NEDD4L: variants seen among roughly 807,000 people sequenced by gnomAD.
NEDD4L encodes E3 ubiquitin-protein ligase NEDD4-like.
In NEDD4L, 54 loss-of-function variants were observed where a neutral mutation model predicts 148.9. The observed-to-expected ratio is 0.36, with a 90% CI of 0.29 to 0.45. NEDD4L has a LOEUF of 0.45. Among genes scored for constraint, NEDD4L ranks in the 20% least tolerant of loss-of-function variants. The pLI, the probability that NEDD4L is intolerant of heterozygous loss-of-function variation, is 1.00. For missense variants in NEDD4L, 856 were observed against 1,233.8 expected, an observed-to-expected ratio of 0.69 and a Z score of 4.59; for synonymous variants, 433 against 440.7, an observed-to-expected ratio of 0.98 and a Z score of 0.22.
At chr18:58,165,930 C>G (rs991916567) in intron 2 of NEDD4L, 69 bp downstream of exon 2, 1 of 1,295,058 alleles carries the variant, frequency 7.7e-7, no homozygotes, top group African/African-American at 1.5e-5. Context: ...AATTCAGGCA[C>G]GCATCAGAAT....
intron 2 of NEDD4L, 104 bp from the exon 3 acceptor site, chr18:58,245,323 C>T (rs1405817547): frequency 1.0e-5 from 6 of 587,562 alleles, no homozygotes; most frequent in Non-Finnish European, 1.5e-5. Flanking sequence ...GGAAATAATA[C>T]AAGCTGAGAC....
intron 1 of NEDD4L, among the ~76,000 whole-genome samples, chr18:58,086,645 G>A (rs1374869429): frequency 2.0e-5 from 3 of 152,156 alleles, no homozygotes; most frequent in South Asian, 4.1e-4. Context: ...AAGGCTGTAA[G>A]TTGCCTTACT....
intron 1 of NEDD4L, among the ~76,000 whole-genome samples, chr18:58,141,109 A>C (rs1203604601): frequency 6.6e-6 from 1 of 152,138 alleles, no homozygotes; most frequent in East Asian, 1.9e-4. Flanking sequence ...ATGTGGCTCC[A>C]CTGGGCTGGC....
At chr18:58,232,916 G>A (rs1329344587) in intron 2 of NEDD4L, among the ~76,000 whole-genome samples, 6 of 152,182 alleles carry the variant, frequency 3.9e-5, no homozygotes, top group East Asian at 1.9e-4. Flanking sequence ...CAGGCTGAAC[G>A]TGGTTGGCAG....
chr18:58,235,747 A>G lies in NEDD4L; in HGVS notation c.123-9680A>G, dbSNP rs973001949. Among the ~76,000 whole-genome samples, 6 of 152,170 alleles carry G rather than the reference A, an allele frequency of 3.9e-5. No homozygotes were observed. In the South Asian group the frequency reaches 1.3e-3, roughly 32 times the overall value. On this transcript the variant is annotated intron_variant, in intron 2 of 30. Coordinates refer to ENST00000400345, the MANE Select transcript of NEDD4L (RefSeq NM_001144967.3). ...ATAATTAGTTCAGAAGTCTGTCCCC[A>G]TACTTGTTTTCCAGTACAATCTGTG...
chr18:58,066,118 A>G (rs955359601), intron 1 of NEDD4L, among the ~76,000 whole-genome samples: 3 of 152,240 alleles, frequency 2.0e-5, no homozygotes, highest in Non-Finnish European at 4.4e-5. Flanking sequence ...TTTGTACAGT[A>G]GAAATGTATG....
Position 58,389,193 on chromosome 18 carries a change from G to A in NEDD4L, c.2655+1G>A. The A allele has an allele frequency of 6.2e-7, 1 of 1,609,898 alleles. No homozygotes were observed. The highest frequency in any genetic ancestry group is 8.5e-7 in the Non-Finnish European group (1 of 1,176,548). Reference sequence around the variant, plus strand: ...CCCCGTCATTCAGTGGTTCTGGAAGGTAACTCCGGGGCCCAGCCCCAGCCG... The same window carrying A: ...CCCCGTCATTCAGTGGTTCTGGAAGATAACTCCGGGGCCCAGCCCCAGCCG... On this transcript the variant is annotated splice_donor_variant, in intron 28 of 30. Transcript: ENST00000400345. LOFTEE classifies it high-confidence loss of function.
At chr18:58,196,827 G>A (rs1370425467) in intron 2 of NEDD4L, among the ~76,000 whole-genome samples, 3 of 150,468 alleles carry the variant, frequency 2.0e-5, no homozygotes, top group Non-Finnish European at 4.4e-5. Flanking sequence ...CCAGGGCAGT[G>A]CCTGCTCTTT....
In NEDD4L at chr18:58,044,635, C is replaced by G. The variant is rs113358301; in HGVS notation, c.-26C>G. On this transcript the variant is annotated 5_prime_UTR_variant, in exon 1 of 31. Coordinates refer to ENST00000400345, the MANE Select transcript of NEDD4L (RefSeq NM_001144967.3). ...CGCAGCACAGCCGCTGGGAGCGCCT[C>G]AGACCCCGCGCGGGGCGCCGGCTCC... 10 of 1,593,382 alleles carry G rather than the reference C, an allele frequency of 6.3e-6. No individual in the cohort carries two copies. The highest frequency in any genetic ancestry group is 8.5e-6 in the Non-Finnish European group (10 of 1,170,618).
intron 1 of NEDD4L, among the ~76,000 whole-genome samples, chr18:58,077,955 C>T (rs2083255337): frequency 6.6e-6 from 1 of 151,476 alleles, no homozygotes; most frequent in Non-Finnish European, 1.5e-5. Flanking sequence ...CACCGGACAG[C>T]CCCACAGGAT....
chr18:58,164,896 A>G (rs911360219), intron 1 of NEDD4L, among the ~76,000 whole-genome samples: 35 of 152,194 alleles, frequency 2.3e-4, no homozygotes, highest in African/African-American at 8.4e-4. Context: ...TTAGTGATAC[A>G]TGTTTTCCAT....
chr18:58,053,453 T>C (rs931116445), intron 1 of NEDD4L, among the ~76,000 whole-genome samples: 1 of 152,008 alleles, frequency 6.6e-6, no homozygotes, highest in Admixed American at 6.6e-5. Context: ...GGACTACAGG[T>C]GCCCACCACC....
At chr18:58,206,955 A>G (rs543035729) in intron 2 of NEDD4L, among the ~76,000 whole-genome samples, 14 of 152,178 alleles carry the variant, frequency 9.2e-5, no homozygotes, top group Non-Finnish European at 1.6e-4. Flanking sequence ...TCTCCCACCC[A>G]TCCTGTGCAC....
chr18:58,051,995 T>C (rs2081893228), intron 1 of NEDD4L, among the ~76,000 whole-genome samples: 1 of 152,244 alleles, frequency 6.6e-6, no homozygotes, highest in South Asian at 2.1e-4. Flanking sequence ...GTTCACTGTT[T>C]AATGTTACTG....
rs79466451 is a variant in NEDD4L, at chr18:58,367,495, C to T, written c.2064-251C>T. 0.038 allele frequency among the ~76,000 whole-genome samples: 5,844 copies of T among 152,244 alleles called. 376 individuals are homozygous for T. The highest frequency in any genetic ancestry group is 0.13 in the African/African-American group (5,580 of 41,524). On this transcript the variant is annotated intron_variant, in intron 21 of 30. Coordinates refer to ENST00000400345, the MANE Select transcript of NEDD4L (RefSeq NM_001144967.3). ...GCTGAACCATATGAAATAGACACTT[C>T]GTAGGTCAAAAACAGTCAAACATCA...
At chr18:58,186,936 T>A (rs770438574) in intron 2 of NEDD4L, among the ~76,000 whole-genome samples, 4 of 152,258 alleles carry the variant, frequency 2.6e-5, no homozygotes, top group Non-Finnish European at 4.4e-5. Flanking sequence ...GGGTTCTCAC[T>A]TGATCATTTA....
chr18:58,344,191 C>A (rs891678435), intron 16 of NEDD4L, among the ~76,000 whole-genome samples: 1 of 152,168 alleles, frequency 6.6e-6, no homozygotes, highest in African/African-American at 2.4e-5. Context: ...GACCAGCAGC[C>A]TTATATTCAA....
intron 1 of NEDD4L, among the ~76,000 whole-genome samples, chr18:58,134,244 A>T (rs1453280143): frequency 6.6e-6 from 1 of 152,024 alleles, no homozygotes; most frequent in East Asian, 1.9e-4. Context: ...CAGGTGATCC[A>T]TCCGCCTCGG....
chr18:58,323,848 G>A (rs2059069595), intron 8 of NEDD4L, among the ~76,000 whole-genome samples: 1 of 152,132 alleles, frequency 6.6e-6, no homozygotes, highest in South Asian at 2.1e-4. Context: ...AGAGCCGCCT[G>A]TATTTACCTT....
Sources: gnomAD v4.1 joint callset for allele counts (sites outside exome capture counted in the v4.1 genomes callset) on GRCh38, gnomAD v4.1.1 for gene constraint, MANE v1.5 for transcripts, NCBI Gene and HGNC (gene_info 2026-07-23, HGNC 2026-07-21) for gene names.